Variants in PLEKHG5 observed in about 807,000 individuals in gnomAD.
PLEKHG5 encodes pleckstrin homology and RhoGEF domain containing G5, also known as pleckstrin homology domain-containing family G member 5.
A neutral mutation model predicts 103.8 loss-of-function variants in PLEKHG5; 52 were observed. The ratio of observed to expected loss-of-function variants is 0.50; its 90% CI spans 0.40 to 0.63. PLEKHG5 has a LOEUF of 0.63. Ranked by LOEUF, PLEKHG5 falls within the 30% of genes least tolerant of loss-of-function variation. The pLI, the probability that PLEKHG5 is intolerant of heterozygous loss-of-function variation, is 0.00. For missense variants in PLEKHG5, 1,205 were observed against 1,347.6 expected (o/e 0.89, Z 1.66); for synonymous variants, 592 against 575.5 (o/e 1.03, Z -0.41).
chr1:6,484,565 T>G (rs1400983893), intron 1 of PLEKHG5, among the ~76,000 whole-genome samples: 1 of 152,194 alleles, frequency 6.6e-6, no homozygotes, highest in Admixed American at 6.5e-5. Flanking sequence ...CTCCCCGTTC[T>G]GCCTCACGTC....
At chr1:6,502,330 C>G (rs978101687) in intron 1 of PLEKHG5, among the ~76,000 whole-genome samples, 12 of 152,246 alleles carry the variant, frequency 7.9e-5, no homozygotes, top group African/African-American at 2.7e-4. Flanking sequence ...AAGTAGGGAC[C>G]CAGCTGCAGG....
chr1:6,474,649 C>A, intron 5 of PLEKHG5, 62 bp from the exon 6 acceptor site: 1 of 1,545,272 alleles, frequency 6.5e-7, no homozygotes, highest in Middle Eastern at 2.1e-4. Context: ...CAGCTTGGGC[C>A]CCGCCCCCAC....
At position 6,485,124 on chromosome 1, in the gene PLEKHG5, A is replaced by C. The variant is rs913939601; in HGVS notation, c.-88+6513T>G. 5.9e-5 allele frequency among the ~76,000 whole-genome samples: 9 copies of C among 151,806 alleles called. No homozygotes were observed. In the East Asian group the frequency reaches 1.6e-3, roughly 26 times the overall value. ...GGGACATCTCAGCCGGCGGGGACACACCCCGGAGTCCGAGGTCCCCGTCAC... is the reference window on the plus strand; with the variant it reads ...GGGACATCTCAGCCGGCGGGGACACCCCCCGGAGTCCGAGGTCCCCGTCAC... On this transcript the variant is annotated intron_variant, in intron 1 of 20. Transcript: ENST00000377728.
At chr1:6,474,282 C>A (rs542049487) in intron 6 of PLEKHG5, 118 bp from the exon 7 acceptor site, 1 of 1,387,586 alleles carries the variant, frequency 7.2e-7, no homozygotes, top group Non-Finnish European at 1.0e-6. Context: ...CCGACAGCCC[C>A]GCCCTGCCAG....
In PLEKHG5 at chr1:6,471,114, GAAC is replaced by G. The variant is rs1247137519; in HGVS notation, c.1282-17_1282-15del. 3 of 1,561,990 alleles carry G rather than the reference GAAC, an allele frequency of 1.9e-6. No homozygotes were observed. Among genetic ancestry groups the G allele is most frequent in the Non-Finnish European group, 2.6e-6 (3 of 1,152,668 alleles). ...GAGCGAGCCGAACTGGCCCGGGGCA[GAAC>G]AACCACGGCGCCGGTTACCGCGCGC... On this transcript the variant is annotated splice_polypyrimidine_tract_variant and intron_variant, in intron 12 of 20. Transcript: ENST00000377728.
intron 1 of PLEKHG5, among the ~76,000 whole-genome samples, chr1:6,510,086 C>T (rs890612321): frequency 3.9e-5 from 6 of 152,204 alleles, no homozygotes; most frequent in African/African-American, 1.4e-4. Context: ...GCGGGGCCGC[C>T]ATGCCCAGTT....
chr1:6,487,312 G>A lies in PLEKHG5; in HGVS notation c.-88+4325C>T, dbSNP rs1645060139. Among the ~76,000 whole-genome samples, 1 of 152,060 alleles carries A rather than the reference G, an allele frequency of 6.6e-6. No individual in the cohort carries two copies. Among genetic ancestry groups the A allele is most frequent in the South Asian group, 2.1e-4 (1 of 4,834 alleles). The stretch of plus-strand genomic sequence containing the variant: ...TGTATTTTAGTAGAGATGGGGTTTC[G>A]CCATGTTGACCAGGCTGGTCACTAA... On this transcript the variant is annotated intron_variant, in intron 1 of 20. Transcript: ENST00000377728. The surrounding 1 kb of genome is among the most constrained non-coding windows in gnomAD (Gnocchi z 4.1).
At chr1:6,485,343 G>T (rs911907373) in intron 1 of PLEKHG5, 2 of 1,429,162 alleles carry the variant, frequency 1.4e-6, no homozygotes, top group East Asian at 3.0e-5. Flanking sequence ...ACCGTCGCGG[G>T]CACGACCCCC....
At chr1:6,516,854 G>A (rs1638633837) in intron 1 of PLEKHG5, among the ~76,000 whole-genome samples, 1 of 44,248 alleles carries the variant, frequency 2.3e-5, no homozygotes, top group African/African-American at 5.0e-5. Context: ...ATATATGTGT[G>A]TGTATATATG....
Position 6,473,282 on chromosome 1 carries a change from C to G in PLEKHG5, c.764G>C (p.Ser255Thr). 6.2e-7 allele frequency: 1 copy of G among 1,603,256 alleles called. No homozygotes were observed. The change falls in exon 8 of 21, where the codon AGC becomes ACC. Residue 255 changes from serine to threonine, a missense_variant. Coordinates refer to ENST00000377728, the MANE Select transcript of PLEKHG5 (RefSeq NM_020631.6). The stretch of plus-strand genomic sequence containing the variant: ...AAAGGCGCTGGTGCTGGGGCCGGAG[C>G]TGAAAAAGCCGCTGAAGCGACTGGC... The part of the protein sequence containing the change: ...RAASRFSGFF[S>T]SGPSTSAFGR...
At chr1:6,502,325 G>A (rs1195359338) in intron 1 of PLEKHG5, among the ~76,000 whole-genome samples, 1 of 152,280 alleles carries the variant, frequency 6.6e-6, no homozygotes, top group Non-Finnish European at 1.5e-5. Flanking sequence ...CAGTGAAGTA[G>A]GGACCCAGCT....
At chr1:6,497,219 C>A, upstream of PLEKHG5, 1 of 863,916 alleles carries the variant, frequency 1.2e-6, no homozygotes, top group South Asian at 1.4e-5. The surrounding 1 kb of genome is among the most constrained non-coding windows in gnomAD (Gnocchi z 6.1). Context: ...GGTCGGCGCC[C>A]ACCCCCTTGC....
upstream of PLEKHG5, chr1:6,497,349 G>A (rs1645242602): frequency 9.6e-7 from 1 of 1,040,008 alleles, no homozygotes. This position sits in a 1 kb window ranked among gnomAD's most constrained non-coding sequence, Gnocchi z 6.1. Flanking sequence ...CCGCGCGGGG[G>A]GCGGGCGGCG....
At chr1:6,507,310 G>T (rs927805692) in intron 1 of PLEKHG5, among the ~76,000 whole-genome samples, 4 of 152,178 alleles carry the variant, frequency 2.6e-5, no homozygotes, top group Non-Finnish European at 5.9e-5. Context: ...TTGACCCCAA[G>T]ACTGTCTAGC....
At chr1:6,516,786 T>TGTG (rs200942738) in intron 1 of PLEKHG5, among the ~76,000 whole-genome samples, 4 of 85,274 alleles carry the variant, frequency 4.7e-5, no homozygotes, top group African/African-American at 1.4e-4. Context: ...TGTGTGTGTG[T>TGTG]TATATATATG....
rs1644679291 is a variant in PLEKHG5 at position 6,474,021 on chromosome 1, C to T, written c.583G>A (p.Asp195Asn). The T allele has an allele frequency of 3.0e-6, 4 of 1,337,154 alleles. No homozygotes were observed. Among genetic ancestry groups the T allele is most frequent in the African/African-American group, 1.5e-5 (1 of 66,800 alleles). The allele number at this position is 1,337,154 out of a possible 1,614,324, so 82.8% of individuals were successfully genotyped here. A position where few individuals can be genotyped will look rare whatever the true frequency, so the allele number is the denominator to read the frequency against. The part of the protein sequence containing the change: ...VDAQSRRESL[D>N]ILAPGRRRKN... ...CACCCCCTCCTCCTCACCAAGATGT[C>T]CAGGCTCTCCCGGCGGCTCTGGGCG... Residue 195 changes from aspartate (D) to asparagine (N), a missense_variant, in exon 7 of 21, where the codon GAC (aspartate) becomes AAC (asparagine). Coordinates refer to ENST00000377728, the MANE Select transcript of PLEKHG5 (RefSeq NM_020631.6).
intron 1 of PLEKHG5, among the ~76,000 whole-genome samples, chr1:6,504,534 T>C (rs1638249296): frequency 6.6e-6 from 1 of 151,308 alleles, no homozygotes; most frequent in African/African-American, 2.4e-5. Context: ...CATCGTCCTC[T>C]CTCCTGGGAG....
chr1:6,484,360 G>A (rs1270110274), intron 1 of PLEKHG5, among the ~76,000 whole-genome samples: 2 of 152,184 alleles, frequency 1.3e-5, no homozygotes, highest in Non-Finnish European at 1.5e-5. Flanking sequence ...GACCTCATCT[G>A]CTTCCCTCCT....
chr1:6,506,645 G>A (rs1457276552), intron 1 of PLEKHG5, among the ~76,000 whole-genome samples: 2 of 152,226 alleles, frequency 1.3e-5, no homozygotes, highest in South Asian at 4.1e-4. Context: ...AGAAGCACCT[G>A]TGGGGACGCC....
Sources: allele counts gnomAD v4.1 joint callset (sites outside exome capture counted in the v4.1 genomes callset), GRCh38; gene constraint gnomAD v4.1.1; non-coding constraint Gnocchi (gnomAD v3.1); transcripts MANE v1.5; gene names NCBI Gene and HGNC (gene_info 2026-07-23, HGNC 2026-07-21).